Variants in PLCB4 observed in about 807,000 individuals in gnomAD.
PLCB4 encodes the protein 1-phosphatidylinositol 4,5-bisphosphate phosphodiesterase beta-4.
In PLCB4, 77 loss-of-function variants were observed where a neutral mutation model predicts 178.8. The ratio of observed to expected loss-of-function variants is 0.43; its 90% CI spans 0.36 to 0.52. The LOEUF is 0.52. Among genes scored for constraint, PLCB4 ranks in the 20% least tolerant of loss-of-function variants. The probability of loss-of-function intolerance (pLI) is 0.00; values close to 1 mark genes in which losing one functional copy is unlikely to be tolerated. For synonymous variants in PLCB4, 496 were observed against 490.8 expected, an observed-to-expected ratio of 1.01 and a Z score of -0.14; for missense variants, 1,024 against 1,453.4, an observed-to-expected ratio of 0.70 and a Z score of 4.80.
chr20:9,181,034 C>T (rs1056232227), intron 2 of PLCB4, among the ~76,000 whole-genome samples: 1 of 152,146 alleles, frequency 6.6e-6, no homozygotes, highest in South Asian at 2.1e-4. Context: ...GATTGTAATG[C>T]AGAGAAAGTT....
At chr20:9,281,322 A>G (rs1011578380) in intron 3 of PLCB4, among the ~76,000 whole-genome samples, 1 of 152,054 alleles carries the variant, frequency 6.6e-6, no homozygotes, top group Non-Finnish European at 1.5e-5. Flanking sequence ...TATTAGAAGT[A>G]GTTTAATCAC....
chr20:9,332,801 C>T (rs778341687), intron 4 of PLCB4, among the ~76,000 whole-genome samples: 1 of 152,110 alleles, frequency 6.6e-6, no homozygotes, highest in Non-Finnish European at 1.5e-5. Flanking sequence ...TTTACTCTGG[C>T]CTTAGTTTAC....
At chr20:9,457,528 A>G in intron 34 of PLCB4, 39 bp downstream of exon 34, 1 of 947,694 alleles carries the variant, frequency 1.1e-6, no homozygotes, top group Non-Finnish European at 1.7e-6. Context: ...GACTTGCAGA[A>G]GACACTTTGT....
chr20:9,332,415 C>G (rs1007087126), intron 4 of PLCB4, among the ~76,000 whole-genome samples: 1 of 152,142 alleles, frequency 6.6e-6, no homozygotes, highest in Non-Finnish European at 1.5e-5. Flanking sequence ...TGGTGAGAAA[C>G]CAAATTAGAT....
Position 9,457,188 on chromosome 20 carries a change from A to T in PLCB4, c.2997-226A>T, listed in dbSNP as rs555528647. On this transcript the variant is annotated intron_variant, in intron 33 of 39. Transcript: ENST00000378473. ...GCCCCTTAATGATGAAATAATTGTT[A>T]GGTTTGAAGTGCCTCTTTGTATAGT... 5.9e-5 allele frequency among the ~76,000 whole-genome samples: 9 copies of T among 152,312 alleles called. No individual in the cohort carries two copies. The South Asian group carries it at 1.9e-3, about 32-fold the overall frequency.
At chr20:9,230,553 C>T (rs959785157) in intron 3 of PLCB4, among the ~76,000 whole-genome samples, 1 of 152,122 alleles carries the variant, frequency 6.6e-6, no homozygotes, top group Non-Finnish European at 1.5e-5. Context: ...AAACTACCCT[C>T]AAAATTTAGT....
rs564599813 is a variant in PLCB4, at chr20:9,438,825, A to G, written c.2764+1673A>G. On this transcript the variant is annotated intron_variant, in intron 30 of 39. Coordinates refer to ENST00000378473, the MANE Select transcript of PLCB4 (RefSeq NM_001377142.1). ...TGATGAAGGTAGAAACATGGTTAAA[A>G]AAATGTGAGACATAATTTAAGACAT... Among the ~76,000 whole-genome samples, 48 of 152,360 alleles carry G rather than the reference A, an allele frequency of 3.2e-4. No individual in the cohort carries two copies. The South Asian group carries it at 5.4e-3, about 17-fold the overall frequency.
At position 9,324,356 on chromosome 20, in the gene PLCB4, G is replaced by A. The variant is rs1050659210; in HGVS notation, c.85-12770G>A. 8.9e-4 allele frequency among the ~76,000 whole-genome samples: 135 copies of A among 152,050 alleles called. 3 individuals carry two copies. Among genetic ancestry groups the A allele is most frequent in the Non-Finnish European group, 1.6e-4 (11 of 67,994 alleles). On this transcript the variant is annotated intron_variant, in intron 4 of 39. Coordinates refer to ENST00000378473, the MANE Select transcript of PLCB4 (RefSeq NM_001377142.1). Reference sequence around the variant, plus strand: ...GAGGAGAATCGCTTGAACTCGGGAGGCAGAGGTTGCAGTGAGCCCAGATCA... The same window carrying A: ...GAGGAGAATCGCTTGAACTCGGGAGACAGAGGTTGCAGTGAGCCCAGATCA...
At chr20:9,154,675 T>C (rs1249531385) in intron 2 of PLCB4, among the ~76,000 whole-genome samples, 1 of 152,004 alleles carries the variant, frequency 6.6e-6, no homozygotes, top group Non-Finnish European at 1.5e-5. Flanking sequence ...CTTAGCAGAG[T>C]CTAGGAGCTA....
chr20:9,478,080 G>A (rs898668204), intron 39 of PLCB4, among the ~76,000 whole-genome samples: 1 of 152,152 alleles, frequency 6.6e-6, no homozygotes, highest in Admixed American at 6.6e-5. Context: ...CGTGCATTTG[G>A]TTGGGCAAAA....
At position 9,373,636 on chromosome 20, in the gene PLCB4, T is replaced by G. The variant is rs148092123; in HGVS notation, c.744+532T>G. Reference sequence around the variant, plus strand: ...AAACACTTGAGTTCCTGGGTGAAAATACATTGAGTTTTAGGCTAATAGGAT... The same window carrying G: ...AAACACTTGAGTTCCTGGGTGAAAAGACATTGAGTTTTAGGCTAATAGGAT... On this transcript the variant is annotated intron_variant, in intron 12 of 39. Coordinates refer to ENST00000378473, the MANE Select transcript of PLCB4 (RefSeq NM_001377142.1). Among the ~76,000 whole-genome samples the G allele has an allele frequency of 2.6e-3, 399 of 152,306 alleles. 2 individuals are homozygous for G. The highest frequency in any genetic ancestry group is 8.2e-3 in the African/African-American group (339 of 41,584).
intron 4 of PLCB4, among the ~76,000 whole-genome samples, chr20:9,322,535 C>A (rs554436007): frequency 1.2e-4 from 18 of 152,310 alleles, no homozygotes; most frequent in African/African-American, 3.6e-4. Flanking sequence ...CTTCCCAGGT[C>A]CAGCCTGCAT....
At chr20:9,296,168 A>G (rs966212679) in intron 3 of PLCB4, among the ~76,000 whole-genome samples, 3 of 152,186 alleles carry the variant, frequency 2.0e-5, no homozygotes, top group African/African-American at 7.2e-5. Context: ...TAAGAAAAAA[A>G]CAAACAGCCC....
At chr20:9,113,072 G>A (rs761228125) in intron 2 of PLCB4, among the ~76,000 whole-genome samples, 1 of 152,146 alleles carries the variant, frequency 6.6e-6, no homozygotes. Flanking sequence ...GGTCCTGTGA[G>A]CCTTGACATC....
chr20:9,085,556 T>TTGC (rs1379093767), intron 1 of PLCB4, among the ~76,000 whole-genome samples: 4 of 152,224 alleles, frequency 2.6e-5, no homozygotes, highest in African/African-American at 9.6e-5. Context: ...CTAAAATTAG[T>TTGC]ATCTAAGCAA....
intron 4 of PLCB4, among the ~76,000 whole-genome samples, chr20:9,313,018 T>C (rs1313705885): frequency 3.9e-5 from 6 of 152,208 alleles, no homozygotes; most frequent in African/African-American, 1.4e-4. Flanking sequence ...TCTATAGAAG[T>C]AAATCATTCT....
intron 35 of PLCB4, among the ~76,000 whole-genome samples, chr20:9,462,071 G>A (rs1045948195): frequency 2.0e-5 from 3 of 152,098 alleles, no homozygotes; most frequent in Non-Finnish European, 4.4e-5. Flanking sequence ...GAAGGATCAG[G>A]CAGCAATATT....
chr20:9,213,821 A>G (rs1004651564), intron 2 of PLCB4, among the ~76,000 whole-genome samples: 12 of 152,164 alleles, frequency 7.9e-5, no homozygotes, highest in African/African-American at 2.7e-4. Context: ...TCTTGTCAAC[A>G]CTTGTTATGT....
At chr20:9,423,705 C>T (rs1283022892) in intron 27 of PLCB4, 43 bp from the exon 28 acceptor site, 7 of 1,470,480 alleles carry the variant, frequency 4.8e-6, no homozygotes, top group African/African-American at 1.4e-5. Context: ...GGTTCTTGGG[C>T]GCTGCATTGG....
Sources: gnomAD v4.1 joint callset for allele counts (sites outside exome capture counted in the v4.1 genomes callset) on GRCh38, gnomAD v4.1.1 for gene constraint, MANE v1.5 for transcripts, NCBI Gene and HGNC (gene_info 2026-07-23, HGNC 2026-07-21) for gene names.